The following LRP1B variants were observed in gnomAD, a reference collection of about 807,000 sequenced individuals.
LRP1B encodes low-density lipoprotein receptor-related protein 1B.
LRP1B carries 217 observed loss-of-function variants against 556.6 expected under a neutral mutation model. That is an observed-to-expected ratio of 0.39 (90% CI 0.35 to 0.44). The LOEUF is 0.44. Among genes scored for constraint, LRP1B ranks in the 20% least tolerant of loss-of-function variants. The probability of loss-of-function intolerance (pLI) is 1.00; values close to 1 mark genes in which losing one functional copy is unlikely to be tolerated. For missense variants in LRP1B, 5,053 were observed against 5,620.8 expected (o/e 0.90, Z 3.23); for synonymous variants, 2,047 against 1,865.8 (o/e 1.10, Z -2.50).
intron 21 of LRP1B, among the ~76,000 whole-genome samples, chr2:140,910,776 A>C (rs1694397463): frequency 6.6e-6 from 1 of 151,860 alleles, no homozygotes. Context: ...AAAGATCAAA[A>C]AGTTGGATAG....
At chr2:142,097,925 A>T (rs1706433299) in intron 1 of LRP1B, among the ~76,000 whole-genome samples, 1 of 151,662 alleles carries the variant, frequency 6.6e-6, no homozygotes, top group African/African-American at 2.4e-5. Context: ...GTGTCATGAG[A>T]ATAAATCACA....
chr2:141,276,857 CCT>C (rs1685317772), intron 3 of LRP1B, among the ~76,000 whole-genome samples: 1 of 151,994 alleles, frequency 6.6e-6, no homozygotes, highest in Admixed American at 6.6e-5. Context: ...GGGGTTTCAC[CCT>C]GTTAGCCAGG....
Position 141,107,519 on chromosome 2 carries a change from A to T in LRP1B, c.1014-45246T>A, listed in dbSNP as rs1361789033. The stretch of plus-strand genomic sequence containing the variant: ...AAATTAGCTGGACATGGTGGTGTGT[A>T]CCTGTAGTCCCAGCTACTTGGGAGG... On this transcript the variant is annotated intron_variant, in intron 7 of 90. Coordinates refer to ENST00000389484, the MANE Select transcript of LRP1B (RefSeq NM_018557.3). Among the ~76,000 whole-genome samples the T allele has an allele frequency of 2.6e-5, 4 of 151,968 alleles. No individual in the cohort carries two copies. In the East Asian group the frequency reaches 7.7e-4, roughly 29 times the overall value.
chr2:141,270,762 G>A (rs1685059283), intron 3 of LRP1B, among the ~76,000 whole-genome samples: 1 of 151,992 alleles, frequency 6.6e-6, no homozygotes, highest in Non-Finnish European at 1.5e-5. Context: ...AAGTAGAATG[G>A]TGGGTGCCAG....
intron 35 of LRP1B, among the ~76,000 whole-genome samples, chr2:140,722,103 ATAAATGG>A (rs1687424655): frequency 6.6e-6 from 1 of 152,136 alleles, no homozygotes; most frequent in Non-Finnish European, 1.5e-5. Context: ...AAATGTTTTG[ATAAATGG>A]TAAATTACAG....
chr2:142,046,485 T>G (rs1239661105), intron 1 of LRP1B, among the ~76,000 whole-genome samples: 1 of 151,830 alleles, frequency 6.6e-6, no homozygotes, highest in Non-Finnish European at 1.5e-5. Flanking sequence ...AGGCTGCAGC[T>G]TGGTAATCAA....
intron 77 of LRP1B, among the ~76,000 whole-genome samples, chr2:140,339,649 C>T (rs576101133): frequency 2.2e-4 from 33 of 151,636 alleles, no homozygotes; most frequent in Non-Finnish European, 3.7e-4. Flanking sequence ...AAATATGAAT[C>T]GGATTCACTT....
Position 142,128,356 on chromosome 2 carries a change from C to T in LRP1B, c.82+2292G>A, listed in dbSNP as rs1015918683. Among the ~76,000 whole-genome samples the T allele has an allele frequency of 4.6e-5, 7 of 152,126 alleles. No individual in the cohort carries two copies. The East Asian group carries it at 5.8e-4, about 13-fold the overall frequency. On this transcript the variant is annotated intron_variant, in intron 1 of 90. Transcript: ENST00000389484. ...AGCAGTTAGCTCTTGCACTACAAAACGCATCTGTATAATTCACATGCCTGT... is the reference window on the plus strand; with the variant it reads ...AGCAGTTAGCTCTTGCACTACAAAATGCATCTGTATAATTCACATGCCTGT...
chr2:141,916,520 A>G (rs1000974803), intron 1 of LRP1B, among the ~76,000 whole-genome samples: 1 of 143,892 alleles, frequency 6.9e-6, no homozygotes, highest in African/African-American at 2.6e-5. Flanking sequence ...ACCCGCCACC[A>G]TGCCTGGCTA....
intron 72 of LRP1B, among the ~76,000 whole-genome samples, chr2:140,361,341 CATATATATAT>C (rs67208978): frequency 0.018 from 553 of 30,728 alleles, 37 homozygotes; most frequent in African/African-American, 0.036. Flanking sequence ...ACTTGGAAAG[CATATATATAT>C]ATATATATAT....
At chr2:140,777,188 A>G (rs960838750) in intron 32 of LRP1B, among the ~76,000 whole-genome samples, 17 of 152,202 alleles carry the variant, frequency 1.1e-4, no homozygotes, top group Non-Finnish European at 4.4e-5. Flanking sequence ...ATTTCTACCT[A>G]GAAGTTAAAA....
chr2:141,266,687 A>G (rs1684903764), intron 3 of LRP1B, among the ~76,000 whole-genome samples: 1 of 152,198 alleles, frequency 6.6e-6, no homozygotes, highest in African/African-American at 2.4e-5. Context: ...ATCTCCATAT[A>G]TAATCATTTT....
intron 3 of LRP1B, among the ~76,000 whole-genome samples, chr2:141,314,507 T>C (rs1056381768): frequency 6.6e-6 from 1 of 152,050 alleles, no homozygotes; most frequent in Non-Finnish European, 1.5e-5. Context: ...AAAATTGACC[T>C]ACGGCCGGGC....
chr2:141,659,758 T>A (rs2105393266), intron 2 of LRP1B, among the ~76,000 whole-genome samples: 1 of 152,304 alleles, frequency 6.6e-6, no homozygotes, highest in Non-Finnish European at 1.5e-5. Flanking sequence ...GGGATCAATT[T>A]ACCTTTCTGA....
chr2:141,612,741 G>T (rs1559176502), intron 2 of LRP1B, among the ~76,000 whole-genome samples: 1 of 152,066 alleles, frequency 6.6e-6, no homozygotes, highest in South Asian at 2.1e-4. Context: ...ATTCCCTTTC[G>T]CCTTCGCATC....
At chr2:141,756,544 TACACACACACACACACACACACAC>T (rs35271250) in intron 2 of LRP1B, among the ~76,000 whole-genome samples, 1 of 143,358 alleles carries the variant, frequency 7.0e-6, no homozygotes, top group African/African-American at 2.8e-5. Context: ...TCTCTCAAAT[TACACACACACACACACACACACAC>T]ACACACACAC....
At chr2:142,024,207 T>C (rs1208231505) in intron 1 of LRP1B, among the ~76,000 whole-genome samples, 1 of 152,218 alleles carries the variant, frequency 6.6e-6, no homozygotes, top group Non-Finnish European at 1.5e-5. Flanking sequence ...AATCAGATTA[T>C]CATTTGTTAT....
At chr2:140,313,507 G>A (rs1684393686) in intron 83 of LRP1B, among the ~76,000 whole-genome samples, 1 of 151,638 alleles carries the variant, frequency 6.6e-6, no homozygotes, top group South Asian at 2.1e-4. Flanking sequence ...GCAATAGTTT[G>A]GAATTCCAAA....
intron 60 of LRP1B, among the ~76,000 whole-genome samples, chr2:140,463,618 C>G (rs543342179): frequency 7.9e-5 from 12 of 152,148 alleles, no homozygotes; most frequent in African/African-American, 2.9e-4. Context: ...TGAAGGATGG[C>G]CAACATTTCC....
Sources: gnomAD v4.1 joint callset for allele counts (sites outside exome capture counted in the v4.1 genomes callset) on GRCh38, gnomAD v4.1.1 for gene constraint, MANE v1.5 for transcripts, NCBI Gene and HGNC (gene_info 2026-07-23, HGNC 2026-07-21) for gene names.